Variants in PEX11A observed in about 807,000 individuals in gnomAD.
The protein encoded by PEX11A is peroxisomal biogenesis factor 11 alpha.
PEX11A carries 13 observed loss-of-function variants against 14.4 expected under a neutral mutation model. That is an observed-to-expected ratio of 0.90 (90% CI 0.59 to 1.43). The LOEUF is 1.43. Among genes scored for constraint, PEX11A ranks in the 40% most tolerant of loss-of-function variants. The pLI is 0.00. For missense variants in PEX11A, 290 were observed against 302.8 expected (o/e 0.96, Z 0.31); for synonymous variants, 101 against 113.0 (o/e 0.89, Z 0.67).
chr15:89,686,316 AAT>A (rs1964675426), intron 2 of PEX11A, 113 bp downstream of exon 2: 1 of 621,318 alleles, frequency 1.6e-6, no homozygotes. Context: ...CAATTTCACC[AAT>A]AAACTTGATT....
At chr15:89,689,699 C>T (rs998318255) in intron 1 of PEX11A, among the ~76,000 whole-genome samples, 1 of 152,174 alleles carries the variant, frequency 6.6e-6, no homozygotes, top group Non-Finnish European at 1.5e-5. Flanking sequence ...CACTGTATTT[C>T]CCCCCAATCC....
rs564276679 is a variant in PEX11A, at chr15:89,686,527, T to A, written c.76A>T (p.Met26Leu). 1 of 1,566,390 alleles carries A rather than the reference T, an allele frequency of 6.4e-7. No individual in the cohort carries two copies. The change falls in exon 2 of 3, where the codon ATG becomes TTG. Residue 26 changes from methionine (M) to leucine (L), a missense_variant. By Grantham distance (15) the Met-to-Leu change is conservative. Coordinates refer to ENST00000300056, the MANE Select transcript of PEX11A (RefSeq NM_003847.3). Reference sequence around the variant, plus strand: ...GGCTCTAACAAATATCTAAGCAACATGCATGTGTACTGAGTGGCTCTGAAA... The same window carrying A: ...GGCTCTAACAAATATCTAAGCAACAAGCATGTGTACTGAGTGGCTCTGAAA... Reference protein sequence around the residue: ...RLFRATQYTCMLLRYLLEPKA... With the variant: ...RLFRATQYTCLLLRYLLEPKA...
chr15:89,682,361 G>A lies in PEX11A; in HGVS notation c.*1016C>T, dbSNP rs1222321330. On this transcript the variant is annotated 3_prime_UTR_variant, in exon 3 of 3. Coordinates refer to ENST00000300056, the MANE Select transcript of PEX11A (RefSeq NM_003847.3). ...GCTAATTTTTTAACACTTTGTTGTA[G>A]AGAAGGAGTCTCACTACATTGCCCA... 6.6e-6 allele frequency: 1 copy of A among 152,168 alleles called. No homozygotes were observed. The allele number at this position is 152,168 out of a possible 1,614,324, so 9.4% of individuals were successfully genotyped here.
chr15:89,689,548 T>C (rs1281441539), intron 1 of PEX11A, among the ~76,000 whole-genome samples: 1 of 152,208 alleles, frequency 6.6e-6, no homozygotes, highest in African/African-American at 2.4e-5. Flanking sequence ...ACTAGTACTG[T>C]ATTCGTATTA....
Position 89,690,724 on chromosome 15 carries a change from T to G in PEX11A, c.-92A>C. The G allele has an allele frequency of 8.1e-5, 74 of 909,044 alleles. No homozygotes were observed. The highest frequency in any genetic ancestry group is 1.1e-4 in the Non-Finnish European group (65 of 591,012). 56.3% of individuals were successfully genotyped at this position (909,044 alleles called of 1,614,324 possible). On this transcript the variant is annotated 5_prime_UTR_variant, in exon 1 of 3. Transcript: ENST00000300056. ...CCCCAGGGAACGGTCAGTCCCAGGTTATCCGCTGAGGGGGAGGGGCTGAGT... is the reference window on the plus strand; with the variant it reads ...CCCCAGGGAACGGTCAGTCCCAGGTGATCCGCTGAGGGGGAGGGGCTGAGT...
Position 89,682,715 on chromosome 15 carries a change from C to T in PEX11A, c.*662G>A, listed in dbSNP as rs1273297187. The T allele has an allele frequency of 6.6e-6, 1 of 152,264 alleles. No homozygotes were observed. The highest frequency in any genetic ancestry group is 2.4e-5 in the African/African-American group (1 of 41,456). The allele number at this position is 152,264 out of a possible 1,614,324, so 9.4% of individuals were successfully genotyped here. On this transcript the variant is annotated 3_prime_UTR_variant, in exon 3 of 3. Coordinates refer to ENST00000300056, the MANE Select transcript of PEX11A (RefSeq NM_003847.3). ...ATCTGTCACAGGCTACATATAGGCA[C>T]CCATTGTGACCCTGTACCTATTTTT... is the stretch of plus-strand genomic sequence containing the variant.
rs1964603041 is a variant in PEX11A, at chr15:89,681,717, G to C, written c.*1660C>G. The C allele has an allele frequency of 4.1e-6, 2 of 483,728 alleles. No individual in the cohort carries two copies. The highest frequency in any genetic ancestry group is 5.4e-4 in the Middle Eastern group (1 of 1,846). 30.0% of individuals were successfully genotyped at this position (483,728 alleles called of 1,614,324 possible). On this transcript the variant is annotated 3_prime_UTR_variant, in exon 3 of 3. Transcript: ENST00000300056. ...GTTAAACAGACAGCCAAGAATCTGA[G>C]TCTATTTTTTGAGAATCTCAATCAC... is the stretch of plus-strand genomic sequence containing the variant.
rs187516658 is a variant in PEX11A at position 89,682,688 on chromosome 15, T to C, written c.*689A>G. The C allele has an allele frequency of 1.3e-5, 2 of 152,388 alleles. No homozygotes were observed. The highest frequency in any genetic ancestry group is 6.5e-5 in the Admixed American group (1 of 15,306). The allele number at this position is 152,388 out of a possible 1,614,324, so 9.4% of individuals were successfully genotyped here. Reference sequence around the variant, plus strand: ...TTTTGTTTGTCTCACTGTCAGCTTCTTATCTGTCACAGGCTACATATAGGC... The same window carrying C: ...TTTTGTTTGTCTCACTGTCAGCTTCCTATCTGTCACAGGCTACATATAGGC... On this transcript the variant is annotated 3_prime_UTR_variant, in exon 3 of 3. Coordinates refer to ENST00000300056, the MANE Select transcript of PEX11A (RefSeq NM_003847.3).
chr15:89,681,572 A>G lies in PEX11A; in HGVS notation c.*1805T>C. Reference sequence around the variant, plus strand: ...ATTTATTGAACATAGTTAATCTATTACAGTAGAGGATCTGGACAATAAAAA... The same window carrying G: ...ATTTATTGAACATAGTTAATCTATTGCAGTAGAGGATCTGGACAATAAAAA... On this transcript the variant is annotated 3_prime_UTR_variant, in exon 3 of 3. Transcript: ENST00000300056. 1 of 701,498 alleles carries G rather than the reference A, an allele frequency of 1.4e-6. No individual in the cohort carries two copies. The highest frequency in any genetic ancestry group is 2.0e-5 in the Admixed American group (1 of 49,856). 43.5% of individuals were successfully genotyped at this position (701,498 alleles called of 1,614,324 possible). A position where few individuals can be genotyped will look rare whatever the true frequency, so the allele number is the denominator to read the frequency against.
intron 1 of PEX11A, among the ~76,000 whole-genome samples, chr15:89,690,012 A>G (rs1964781719): frequency 6.6e-6 from 1 of 152,164 alleles, no homozygotes; most frequent in Non-Finnish European, 1.5e-5. Context: ...CACGCCTGTA[A>G]TCCCAGCTAC....
rs1325972503 is a variant in PEX11A, at chr15:89,682,015, C to G, written c.*1362G>C. On this transcript the variant is annotated 3_prime_UTR_variant, in exon 3 of 3. Coordinates refer to ENST00000300056, the MANE Select transcript of PEX11A (RefSeq NM_003847.3). ...TGCGCTTTCCACCTCCCTCAATCAC[C>G]CTAGAAATAAGATGTCTGATTTATC... The G allele has an allele frequency of 6.5e-6, 1 of 152,736 alleles. No homozygotes were observed. Among genetic ancestry groups the G allele is most frequent in the Non-Finnish European group, 1.5e-5 (1 of 68,486 alleles). 9.5% of individuals were successfully genotyped at this position (152,736 alleles called of 1,614,324 possible).
chr15:89,686,496 G>C lies in PEX11A; in HGVS notation c.107C>G (p.Ala36Gly). ...CTTCATTACCACCTTCTCTTTGCCA[G>C]CTTTGGGCTCTAACAAATATCTAAG... ...MLLRYLLEPK[A>G]GKEKVVMKLK... The change falls in exon 2 of 3, where the codon GCT becomes GGT. Residue 36 changes from alanine (A) to glycine (G), a missense_variant. Coordinates refer to ENST00000300056, the MANE Select transcript of PEX11A (RefSeq NM_003847.3). 6.2e-7 allele frequency: 1 copy of C among 1,607,718 alleles called. No homozygotes were observed. The highest frequency in any genetic ancestry group is 1.1e-5 in the South Asian group (1 of 90,934).
At chr15:89,685,840 A>G (rs561866470) in intron 2 of PEX11A, among the ~76,000 whole-genome samples, 2 of 152,272 alleles carry the variant, frequency 1.3e-5, no homozygotes, top group South Asian at 4.1e-4. Context: ...CTATAGCAAC[A>G]TCTGGTTTTC....
intron 1 of PEX11A, 68 bp downstream of exon 1, chr15:89,690,509 G>A: frequency 1.7e-6 from 2 of 1,188,956 alleles, no homozygotes; most frequent in African/African-American, 1.5e-5. Context: ...TTTCCCGGGT[G>A]CAGGGGAATA....
chr15:89,683,335 C>T lies in PEX11A; in HGVS notation c.*42G>A, dbSNP rs1384066192. ...TACAAATGTCTGTCCCACCAAGAGG[C>T]CATCTTTTAAAGTAGGTACTAGTTC... On this transcript the variant is annotated 3_prime_UTR_variant, in exon 3 of 3. Transcript: ENST00000300056. 2.3e-6 allele frequency: 3 copies of T among 1,326,310 alleles called. No individual in the cohort carries two copies. The highest frequency in any genetic ancestry group is 2.9e-5 in the African/African-American group (2 of 67,982). 82.2% of individuals were successfully genotyped at this position (1,326,310 alleles called of 1,614,324 possible).
At position 89,690,662 on chromosome 15, in the gene PEX11A, C is replaced by T; in HGVS notation, c.-30G>A. 1 of 1,538,356 alleles carries T rather than the reference C, an allele frequency of 6.5e-7. No homozygotes were observed. Among genetic ancestry groups the T allele is most frequent in the Non-Finnish European group, 8.8e-7 (1 of 1,136,052 alleles). On this transcript the variant is annotated 5_prime_UTR_variant, in exon 1 of 3. In the 5' UTR this introduces an upstream ATG that the reference lacks. Transcript: ENST00000300056. The stretch of plus-strand genomic sequence containing the variant: ...TCTAGCCCAAAGGCCACGAGTCGCA[C>T]GGGGCTCAGGCGTGGGTCCTCTGGG...
chr15:89,689,897 G>T (rs1964775613), intron 1 of PEX11A, among the ~76,000 whole-genome samples: 3 of 152,176 alleles, frequency 2.0e-5, no homozygotes, highest in Admixed American at 6.5e-5. Flanking sequence ...TTGGGAAGCC[G>T]AGGTGGACAG....
intron 2 of PEX11A, among the ~76,000 whole-genome samples, chr15:89,685,861 A>T (rs1964668822): frequency 6.6e-6 from 1 of 152,204 alleles, no homozygotes; most frequent in Non-Finnish European, 1.5e-5. Context: ...ATCAAACAAC[A>T]AAGACTCAGA....
At chr15:89,687,398 T>G (rs987898047) in intron 1 of PEX11A, among the ~76,000 whole-genome samples, 1 of 152,228 alleles carries the variant, frequency 6.6e-6, no homozygotes, top group African/African-American at 2.4e-5. Context: ...ATAAATATGT[T>G]TTCATAGTTG....
Sources: gnomAD v4.1 joint callset for allele counts (sites outside exome capture counted in the v4.1 genomes callset) on GRCh38, gnomAD v4.1.1 for gene constraint, MANE v1.5 for transcripts, NCBI Gene and HGNC (gene_info 2026-07-23, HGNC 2026-07-21) for gene names.